Variants in VCAM1 observed in about 807,000 individuals in gnomAD.
The protein encoded by VCAM1 is vascular cell adhesion molecule 1.
VCAM1 carries 41 observed loss-of-function variants against 63.8 expected under a neutral mutation model. That is an observed-to-expected ratio of 0.64 (90% confidence interval 0.50 to 0.83). VCAM1 has a LOEUF of 0.83. VCAM1 is among the 40% of genes least tolerant of loss of function. The probability of loss-of-function intolerance (pLI) is 0.00; values close to 1 mark genes in which losing one functional copy is unlikely to be tolerated. For missense variants in VCAM1, 798 were observed against 875.5 expected, an observed-to-expected ratio of 0.91 and a Z score of 1.12; for synonymous variants, 338 against 320.7, an observed-to-expected ratio of 1.05 and a Z score of -0.58.
chr1:100,735,951 G>A (rs937485999), intron 8 of VCAM1: 4 of 152,168 alleles, frequency 2.6e-5, no homozygotes, highest in African/African-American at 9.7e-5. Flanking sequence ...TGAGGTTGGG[G>A]ATGATTCTGG....
At chr1:100,719,988 C>A in intron 1 of VCAM1, 64 bp downstream of exon 1, 1 of 1,571,212 alleles carries the variant, frequency 6.4e-7, no homozygotes, top group Non-Finnish European at 8.7e-7. Flanking sequence ...GTTTTGGCTT[C>A]AGTCAGTTTT....
At position 100,720,567 on chromosome 1, in the gene VCAM1, T is replaced by C; in HGVS notation, c.156T>C (p.Cys52=). Residue 52 remains cysteine, a synonymous_variant, in exon 2 of 9, where the codon TGT becomes TGC. Coordinates refer to ENST00000294728, the MANE Select transcript of VCAM1 (RefSeq NM_001078.4). The stretch of plus-strand genomic sequence containing the variant: ...CATTGACTTGCAGCACCACAGGCTG[T>C]GAGTCCCCATTTTTCTCTTGGAGAA... The part of the protein sequence containing the change: ...SVSLTCSTTG[C]ESPFFSWRTQ... 2 of 1,613,314 alleles carry C rather than the reference T, an allele frequency of 1.2e-6. No individual in the cohort carries two copies. The highest frequency in any genetic ancestry group is 1.7e-6 in the Non-Finnish European group (2 of 1,179,546).
At chr1:100,736,207 C>G (rs1206866787) in intron 8 of VCAM1, 1 of 152,178 alleles carries the variant, frequency 6.6e-6, no homozygotes, top group East Asian at 1.9e-4. Flanking sequence ...TAGCCACTTA[C>G]ACAGTTGCTA....
Position 100,738,304 on chromosome 1 carries a change from C to T in VCAM1, c.*21C>T. ...TGTAGCTAATGCTTGATATGTTCAA[C>T]TGGAGACACTATTTATCTGTGCAAA... On this transcript the variant is annotated 3_prime_UTR_variant, in exon 9 of 9. Coordinates refer to ENST00000294728, the MANE Select transcript of VCAM1 (RefSeq NM_001078.4). 1.9e-6 allele frequency: 3 copies of T among 1,608,984 alleles called. No homozygotes were observed. Among genetic ancestry groups the T allele is most frequent in the African/African-American group, 1.3e-5 (1 of 74,868 alleles).
At chr1:100,727,917 G>C (rs1452478336) in intron 4 of VCAM1, among the ~76,000 whole-genome samples, 1 of 152,074 alleles carries the variant, frequency 6.6e-6, no homozygotes, top group Non-Finnish European at 1.5e-5. Context: ...GCATAGATGA[G>C]AACCATGCAA....
rs1419627394 is a variant in VCAM1 at position 100,723,270 on chromosome 1, T to C, written c.591T>C (p.Ala197=). ...EDIGKVLVCR[A]KLHIDEMDSV... ...TTGGAAAAGTTCTTGTTTGCCGAGC[T>C]AAATTACACATTGATGAAATGGATT... is the stretch of plus-strand genomic sequence containing the variant. Residue 197 remains alanine, a synonymous_variant, in exon 3 of 9, where the codon GCT becomes GCC. Coordinates refer to ENST00000294728, the MANE Select transcript of VCAM1 (RefSeq NM_001078.4). 3 of 1,613,136 alleles carry C rather than the reference T, an allele frequency of 1.9e-6. No individual in the cohort carries two copies. The highest frequency in any genetic ancestry group is 1.7e-6 in the Non-Finnish European group (2 of 1,179,378).
In VCAM1 at chr1:100,731,244, T is replaced by G; in HGVS notation, c.1251T>G (p.Asn417Lys). ...TCGAGATGAGTGGTGGCCTCGTGAATGGGAGCTCTGTCACTGTAAGCTGCA... is the reference window on the plus strand; with the variant it reads ...TCGAGATGAGTGGTGGCCTCGTGAAGGGGAGCTCTGTCACTGTAAGCTGCA... Reference protein sequence around the residue: ...PEIEMSGGLVNGSSVTVSCKV... With the variant: ...PEIEMSGGLVKGSSVTVSCKV... Residue 417 changes from asparagine to lysine, a missense_variant, in exon 6 of 9, where the codon AAT (asparagine) becomes AAG (lysine). Physicochemically the swap from Asn to Lys is moderately conservative, Grantham distance 94. Coordinates refer to ENST00000294728, the MANE Select transcript of VCAM1 (RefSeq NM_001078.4). The surrounding 1 kb of genome is among the most constrained non-coding windows in gnomAD (Gnocchi z 4.2). The G allele has an allele frequency of 6.2e-7, 1 of 1,613,370 alleles. No homozygotes were observed. The highest frequency in any genetic ancestry group is 8.5e-7 in the Non-Finnish European group (1 of 1,179,628).
rs1193744794 is a variant in VCAM1, at chr1:100,723,349, T to C, written c.661+9T>C. The C allele has an allele frequency of 6.2e-7, 1 of 1,609,168 alleles. No homozygotes were observed. The highest frequency in any genetic ancestry group is 8.5e-7 in the Non-Finnish European group (1 of 1,176,638). On this transcript the variant is annotated intron_variant, in intron 3 of 8. Coordinates refer to ENST00000294728, the MANE Select transcript of VCAM1 (RefSeq NM_001078.4). ...AGAATTGCAAGTCTACAGTAAGTACTTGTGCGATGTGTTCCAGTCTTTGTG... is the reference window on the plus strand; with the variant it reads ...AGAATTGCAAGTCTACAGTAAGTACCTGTGCGATGTGTTCCAGTCTTTGTG...
chr1:100,737,937 CCACCAACTGA>C, intron 8 of VCAM1, 176 bp from the exon 9 acceptor site: 1 of 581,962 alleles, frequency 1.7e-6, no homozygotes, highest in Non-Finnish European at 2.9e-6. Context: ...ACCATAGCAA[CCACCAACTGA>C]TTATTTGGAT....
chr1:100,733,415 A>G (rs755571071), intron 7 of VCAM1, among the ~76,000 whole-genome samples: 3 of 152,160 alleles, frequency 2.0e-5, no homozygotes, highest in Non-Finnish European at 2.9e-5. Context: ...TATTCCCACT[A>G]AGATATTAGT....
At chr1:100,729,677 G>A (rs1241953277) in intron 5 of VCAM1, among the ~76,000 whole-genome samples, 1 of 152,060 alleles carries the variant, frequency 6.6e-6, no homozygotes, top group African/African-American at 2.4e-5. Flanking sequence ...TGGGGTCAGT[G>A]CCCATTCAGA....
At position 100,724,646 on chromosome 1, in the gene VCAM1, T is replaced by C; in HGVS notation, c.684T>C (p.Ile228=). 6.2e-7 allele frequency: 1 copy of C among 1,612,858 alleles called. No individual in the cohort carries two copies. The highest frequency in any genetic ancestry group is 8.5e-7 in the Non-Finnish European group (1 of 1,179,270). Residue 228 remains isoleucine (I), a synonymous_variant, in exon 4 of 9, where the codon ATT becomes ATC. Transcript: ENST00000294728. ...QVYISPKNTV[I]SVNPSTKLQE... is the part of the protein sequence containing the mutation. Reference sequence around the variant, plus strand: ...CAGTATCACCCAAGAATACAGTTATTTCTGTGAATCCATCCACAAAGCTGC... The same window carrying C: ...CAGTATCACCCAAGAATACAGTTATCTCTGTGAATCCATCCACAAAGCTGC...
rs1660036550 is a variant in VCAM1 at position 100,723,340 on chromosome 1, A to G, written c.661A>G (p.Ile221Val). Residue 221 changes from isoleucine (I) to valine (V), a missense_variant and splice_region_variant, in exon 3 of 9, where the codon ATA (isoleucine) becomes GTA (valine). By Grantham distance (29) the Ile-to-Val change is conservative. Transcript: ENST00000294728. ...GGCTGTAAAAGAATTGCAAGTCTAC[A>G]GTAAGTACTTGTGCGATGTGTTCCA... is the stretch of plus-strand genomic sequence containing the variant. ...RQAVKELQVY[I>V]SPKNTVISVN... The G allele has an allele frequency of 1.2e-6, 2 of 1,611,566 alleles. No homozygotes were observed.
At chr1:100,727,352 A>G (rs1660202493) in intron 4 of VCAM1, among the ~76,000 whole-genome samples, 1 of 152,050 alleles carries the variant, frequency 6.6e-6, no homozygotes, top group Non-Finnish European at 1.5e-5. Context: ...TTAAACTTGG[A>G]TGATTAAAAT....
At chr1:100,727,078 T>TGTGTGTGTGTGTGTGA (rs748939317) in intron 4 of VCAM1, among the ~76,000 whole-genome samples, 1 of 148,550 alleles carries the variant, frequency 6.7e-6, no homozygotes, top group African/African-American at 2.5e-5. Flanking sequence ...TGTGTGTGTG[T>TGTGTGTGTGTGTGTGA]GAATGTTTGG....
rs1409818687 is a variant in VCAM1, at chr1:100,720,711, A to T, written c.300A>T (p.Glu100Asp). 1.2e-6 allele frequency: 2 copies of T among 1,612,822 alleles called. No homozygotes were observed. Among genetic ancestry groups the T allele is most frequent in the East Asian group, 4.5e-5 (2 of 44,838 alleles). Residue 100 changes from glutamate (E) to aspartate (D), a missense_variant, in exon 2 of 9, where the codon GAA (glutamate) becomes GAT (aspartate). Physicochemically the swap from Glu to Asp is conservative, Grantham distance 45. Transcript: ENST00000294728. ...CTTACCTGTGCACAGCAACTTGTGA[A>T]TCTAGGAAATTGGAAAAAGGAATCC... ...EHSYLCTATC[E>D]SRKLEKGIQV...
chr1:100,725,534 C>T (rs1167547304), intron 4 of VCAM1, among the ~76,000 whole-genome samples: 2 of 152,046 alleles, frequency 1.3e-5, no homozygotes, highest in African/African-American at 4.8e-5. Context: ...TTAATAATGA[C>T]ACCACCTATT....
intron 8 of VCAM1, among the ~76,000 whole-genome samples, 184 bp downstream of exon 8, chr1:100,734,952 A>G (rs1660597742): frequency 6.6e-6 from 1 of 152,196 alleles, no homozygotes. Context: ...GTTGACATTA[A>G]TCATTCGTGA....
intron 4 of VCAM1, among the ~76,000 whole-genome samples, chr1:100,726,079 G>C (rs1042118820): frequency 6.6e-6 from 1 of 151,856 alleles, no homozygotes; most frequent in Non-Finnish European, 1.5e-5. Flanking sequence ...CCCAGCCTCT[G>C]GTAACCACCA....
Sources: allele counts gnomAD v4.1 joint callset (sites outside exome capture counted in the v4.1 genomes callset), GRCh38; gene constraint gnomAD v4.1.1; non-coding constraint Gnocchi (gnomAD v3.1); transcripts MANE v1.5; gene names NCBI Gene and HGNC (gene_info 2026-07-23, HGNC 2026-07-21).